The following PIWIL2 variants were observed in gnomAD, a reference collection of about 807,000 sequenced individuals.
PIWIL2 encodes the protein piwi-like protein 2.
In PIWIL2, 81 loss-of-function variants were observed where a neutral mutation model predicts 116.5. That is an observed-to-expected ratio of 0.70 (90% CI 0.58 to 0.84). PIWIL2 has a LOEUF of 0.84. Ranked by LOEUF, PIWIL2 falls within the 40% of genes least tolerant of loss-of-function variation. The pLI, the probability that PIWIL2 is intolerant of heterozygous loss-of-function variation, is 0.00. For synonymous variants in PIWIL2, 489 were observed against 429.5 expected (o/e 1.14, Z -1.71); for missense variants, 1,272 against 1,212.3 (o/e 1.05, Z -0.73).
chr8:22,286,575 G>A (rs1830633516), intron 6 of PIWIL2, among the ~76,000 whole-genome samples: 1 of 152,136 alleles, frequency 6.6e-6, no homozygotes, highest in Admixed American at 6.5e-5. Context: ...AGAGTTGCTT[G>A]AGGCTAGGAG....
intron 20 of PIWIL2, among the ~76,000 whole-genome samples, chr8:22,330,454 T>A (rs1420320203): frequency 6.6e-6 from 1 of 152,040 alleles, no homozygotes; most frequent in Non-Finnish European, 1.5e-5. Context: ...ATCCCAGTAC[T>A]TTGGGAGGCC....
At chr8:22,313,546 C>A (rs527638641) in intron 16 of PIWIL2, among the ~76,000 whole-genome samples, 1 of 152,174 alleles carries the variant, frequency 6.6e-6, no homozygotes, top group Non-Finnish European at 1.5e-5. Flanking sequence ...TGTTCTCATG[C>A]CTTTGGAAAT....
chr8:22,279,213 G>A, intron 1 of PIWIL2, 128 bp from the exon 2 acceptor site: 1 of 603,494 alleles, frequency 1.7e-6, no homozygotes, highest in Non-Finnish European at 3.0e-6. Context: ...AGCCTTTGAA[G>A]TGAATATGTT....
intron 20 of PIWIL2, among the ~76,000 whole-genome samples, chr8:22,345,686 A>G (rs544536757): frequency 6.6e-6 from 1 of 152,290 alleles, no homozygotes. Context: ...AAATAATTTT[A>G]AAAACCCACA....
intron 1 of PIWIL2, among the ~76,000 whole-genome samples, chr8:22,278,933 T>G (rs1362166649): frequency 1.3e-5 from 2 of 152,204 alleles, no homozygotes; most frequent in East Asian, 3.8e-4. Flanking sequence ...ACCAGCTAGT[T>G]GCAGGAAAAC....
At position 22,320,259 on chromosome 8, in the gene PIWIL2, C is replaced by CTTTTT. The variant is rs71544874; in HGVS notation, c.2403+2002_2403+2006dup. Among the ~76,000 whole-genome samples, 87 of 89,608 alleles carry CTTTTT rather than the reference C, an allele frequency of 9.7e-4. 4 individuals carry two copies. Among genetic ancestry groups the CTTTTT allele is most frequent in the East Asian group, 2.4e-3 (6 of 2,540 alleles). 58.8% of individuals were successfully genotyped at this position (89,608 alleles called of 152,430 possible). ...TACAGGTGTGAGCTGCTGCGCCCGG[C>CTTTTT]TTTTTTTTTTTTTTTTTTTTTTGAG... On this transcript the variant is annotated intron_variant, in intron 20 of 22. Transcript: ENST00000356766.
chr8:22,338,035 A>C (rs183487110), intron 20 of PIWIL2, among the ~76,000 whole-genome samples: 1 of 152,128 alleles, frequency 6.6e-6, no homozygotes, highest in African/African-American at 2.4e-5. Context: ...TGGAGGTTGC[A>C]GTGAGCCAAG....
intron 20 of PIWIL2, among the ~76,000 whole-genome samples, chr8:22,344,918 C>G (rs1413463393): frequency 6.6e-6 from 1 of 152,178 alleles, no homozygotes; most frequent in Non-Finnish European, 1.5e-5. Flanking sequence ...TAATAAAAGT[C>G]TTGTCCAGGA....
Position 22,337,730 on chromosome 8 carries a change from CA to C in PIWIL2, c.2404-15219del, listed in dbSNP as rs939871736. On this transcript the variant is annotated intron_variant, in intron 20 of 22. Coordinates refer to ENST00000356766, the MANE Select transcript of PIWIL2 (RefSeq NM_018068.5). ...GGGCAATAAGAGCAAAACTCTGTCT[CA>C]AAAAAAAAATTAATAATAAATAAAT... 4.3e-4 allele frequency among the ~76,000 whole-genome samples: 63 copies of C among 145,842 alleles called. 1 individual carries two copies. Among genetic ancestry groups the C allele is most frequent in the Middle Eastern group, 3.6e-3 (1 of 280 alleles).
chr8:22,307,657 A>G (rs970835668), intron 13 of PIWIL2, among the ~76,000 whole-genome samples: 12 of 151,346 alleles, frequency 7.9e-5, no homozygotes, highest in African/African-American at 2.4e-4. Flanking sequence ...CTAATTTTTA[A>G]AAGTTTTTTA....
intron 10 of PIWIL2, among the ~76,000 whole-genome samples, chr8:22,299,169 T>C (rs1320318928): frequency 1.3e-5 from 2 of 152,110 alleles, no homozygotes; most frequent in Non-Finnish European, 2.9e-5. Context: ...TTTCTAAAAT[T>C]GGCTAGCAAG....
At chr8:22,278,649 G>A (rs925356169) in intron 1 of PIWIL2, among the ~76,000 whole-genome samples, 22 of 152,212 alleles carry the variant, frequency 1.4e-4, no homozygotes, top group Admixed American at 1.4e-3. Flanking sequence ...CAACCCCCAG[G>A]CCACAGGCTG....
intron 20 of PIWIL2, among the ~76,000 whole-genome samples, chr8:22,347,778 C>T (rs972787008): frequency 4.0e-5 from 6 of 151,680 alleles, no homozygotes; most frequent in African/African-American, 7.3e-5. Context: ...CCGCCCACCT[C>T]GGCCTCCCAA....
intron 6 of PIWIL2, among the ~76,000 whole-genome samples, chr8:22,285,836 G>T (rs1455929842): frequency 1.3e-5 from 2 of 151,824 alleles, no homozygotes; most frequent in African/African-American, 4.8e-5. Context: ...GTAGAGTCGG[G>T]GTTTTGCCAT....
In PIWIL2 at chr8:22,314,510, A is replaced by G. The variant is rs1831407065; in HGVS notation, c.2091+81A>G. ...TGAGAAGAGGGATATGTGTGTTCACAAAGACTAAAGTAGCTGTTAGAAGCC... is the reference window on the plus strand; with the variant it reads ...TGAGAAGAGGGATATGTGTGTTCACGAAGACTAAAGTAGCTGTTAGAAGCC... On this transcript the variant is annotated intron_variant, in intron 17 of 22. Coordinates refer to ENST00000356766, the MANE Select transcript of PIWIL2 (RefSeq NM_018068.5). The G allele has an allele frequency of 2.6e-5, 16 of 623,864 alleles. No homozygotes were observed. The Admixed American group carries it at 4.9e-4, about 19-fold the overall frequency. 38.6% of individuals were successfully genotyped at this position (623,864 alleles called of 1,614,324 possible).
chr8:22,332,906 AAT>A (rs1345116679), intron 20 of PIWIL2, among the ~76,000 whole-genome samples: 1 of 152,164 alleles, frequency 6.6e-6, no homozygotes, highest in Non-Finnish European at 1.5e-5. Context: ...AATAAGTAAC[AAT>A]ATAAGTGACC....
At chr8:22,322,947 T>G (rs1831636702) in intron 20 of PIWIL2, among the ~76,000 whole-genome samples, 2 of 152,086 alleles carry the variant, frequency 1.3e-5, no homozygotes, top group South Asian at 4.1e-4. Flanking sequence ...AGGCAGAGTC[T>G]CTCTCTGTTG....
intron 20 of PIWIL2, among the ~76,000 whole-genome samples, chr8:22,347,235 C>A (rs376976479): frequency 1.1e-4 from 15 of 133,610 alleles, no homozygotes; most frequent in South Asian, 2.4e-4. Flanking sequence ...TTTTTTGAGA[C>A]AGAGTCTCAC....
intron 20 of PIWIL2, among the ~76,000 whole-genome samples, chr8:22,320,936 GACTGTCTTGATTC>G (rs2132062846): frequency 6.6e-6 from 1 of 152,202 alleles, no homozygotes; most frequent in East Asian, 1.9e-4. Context: ...CAAGCACAGG[GACTGTCTTGATTC>G]CTTTTCCATC....
Sources: gnomAD v4.1 joint callset for allele counts (sites outside exome capture counted in the v4.1 genomes callset) on GRCh38, gnomAD v4.1.1 for gene constraint, MANE v1.5 for transcripts, NCBI Gene and HGNC (gene_info 2026-07-23, HGNC 2026-07-21) for gene names.